Variants in SPAG16 observed in about 807,000 individuals in gnomAD.
SPAG16 encodes the protein sperm-associated antigen 16 protein.
Under a neutral mutation model 80.4 loss-of-function variants are expected in SPAG16, and 86 were observed. That is an observed-to-expected ratio of 1.07 (90% CI 0.90 to 1.28). SPAG16 has a LOEUF of 1.28. Among genes scored for constraint, SPAG16 ranks in the 50% most tolerant of loss-of-function variants. The pLI, the probability that SPAG16 is intolerant of heterozygous loss-of-function variation, is 0.00. For missense variants in SPAG16, 870 were observed against 765.3 expected (o/e 1.14, Z -1.61); for synonymous variants, 294 against 265.9 (o/e 1.11, Z -1.03).
intron 5 of SPAG16, among the ~76,000 whole-genome samples, chr2:213,338,910 G>C (rs1454250088): frequency 6.6e-6 from 1 of 151,912 alleles, no homozygotes; most frequent in Non-Finnish European, 1.5e-5. Context: ...GAAAAATAGC[G>C]AACGTATGCT....
intron 9 of SPAG16, among the ~76,000 whole-genome samples, chr2:213,480,634 C>T (rs528362061): frequency 1.3e-5 from 2 of 152,240 alleles, no homozygotes; most frequent in South Asian, 2.1e-4. Context: ...ATTTCAGCAC[C>T]CAGTATTGAC....
intron 10 of SPAG16, among the ~76,000 whole-genome samples, chr2:213,499,869 C>T (rs1226956023): frequency 2.0e-5 from 3 of 152,244 alleles, no homozygotes; most frequent in Middle Eastern, 3.4e-3. Flanking sequence ...ACAGTCATCC[C>T]CCAATTCTCA....
At chr2:214,191,254 CT>C (rs1330308079) in intron 15 of SPAG16, among the ~76,000 whole-genome samples, 1 of 152,104 alleles carries the variant, frequency 6.6e-6, no homozygotes, top group Non-Finnish European at 1.5e-5. Context: ...TTCAATAATG[CT>C]TATCAGAACT....
At chr2:213,893,272 A>G (rs1377520343) in intron 11 of SPAG16, among the ~76,000 whole-genome samples, 1 of 152,154 alleles carries the variant, frequency 6.6e-6, no homozygotes, top group Non-Finnish European at 1.5e-5. Flanking sequence ...AGAGCTTAAA[A>G]GAGTTGATCA....
intron 10 of SPAG16, among the ~76,000 whole-genome samples, chr2:213,702,336 T>G (rs192151714): frequency 6.6e-6 from 1 of 152,252 alleles, no homozygotes; most frequent in Admixed American, 6.5e-5. Context: ...CTTTTCATGC[T>G]GTGGAAGGTT....
chr2:213,375,272 C>T, intron 9 of SPAG16, 153 bp downstream of exon 9: 3 of 506,530 alleles, frequency 5.9e-6, no homozygotes, highest in Non-Finnish European at 1.1e-5. Context: ...TGGAGGTATC[C>T]AAATGTTACT....
intron 10 of SPAG16, among the ~76,000 whole-genome samples, chr2:213,578,685 G>C (rs1457578949): frequency 6.6e-6 from 1 of 152,032 alleles, no homozygotes; most frequent in African/African-American, 2.4e-5. Context: ...AAATGACTCA[G>C]GGATAGAGTC....
At chr2:214,048,590 G>A (rs2049468524) in intron 13 of SPAG16, among the ~76,000 whole-genome samples, 1 of 151,950 alleles carries the variant, frequency 6.6e-6, no homozygotes, top group Non-Finnish European at 1.5e-5. Context: ...GGGGAAGTAG[G>A]AATGATTAAT....
chr2:213,978,462 C>T (rs991732228), intron 12 of SPAG16, among the ~76,000 whole-genome samples: 10 of 152,110 alleles, frequency 6.6e-5, no homozygotes, highest in African/African-American at 2.4e-4. Flanking sequence ...TTTCCTAAAA[C>T]TCTTCTTAAA....
In SPAG16 at chr2:214,220,254, C is replaced by T. The variant is rs76457769; in HGVS notation, c.1720+70988C>T. Among the ~76,000 whole-genome samples, 557 of 152,120 alleles carry T rather than the reference C, an allele frequency of 3.7e-3. 7 individuals are homozygous for T. The East Asian group carries it at 0.04, about 11-fold the overall frequency. On this transcript the variant is annotated intron_variant, in intron 15 of 15. Transcript: ENST00000331683. ...TCCAGATCTTCTTATATCTAATCTG[C>T]TTATAACTTTTACCTAGAAAATCAG...
chr2:213,286,484 C>T (rs1023335309), intron 1 of SPAG16, among the ~76,000 whole-genome samples: 6 of 152,296 alleles, frequency 3.9e-5, no homozygotes, highest in African/African-American at 1.4e-4. Context: ...TTAAGAGTTG[C>T]CTGTGTAATG....
At chr2:214,084,125 G>C (rs1296031897) in intron 13 of SPAG16, among the ~76,000 whole-genome samples, 1 of 151,712 alleles carries the variant, frequency 6.6e-6, no homozygotes, top group Non-Finnish European at 1.5e-5. Flanking sequence ...TCCTTTACAT[G>C]CCTCCCTTAA....
intron 15 of SPAG16, among the ~76,000 whole-genome samples, chr2:214,345,236 CTT>C (rs60966370): frequency 0.012 from 1,843 of 152,162 alleles, 37 homozygotes; most frequent in African/African-American, 0.042. Context: ...TTTGCAAAGA[CTT>C]TGTTGAAATT....
At chr2:213,573,123 C>G (rs1036670763) in intron 10 of SPAG16, among the ~76,000 whole-genome samples, 1 of 152,120 alleles carries the variant, frequency 6.6e-6, no homozygotes, top group South Asian at 2.1e-4. Flanking sequence ...ACCCACTGGC[C>G]TGCGCCCACT....
intron 15 of SPAG16, among the ~76,000 whole-genome samples, chr2:214,403,368 A>C (rs1701821849): frequency 6.7e-6 from 1 of 148,664 alleles, no homozygotes; most frequent in South Asian, 2.1e-4. Context: ...ATATATTTAT[A>C]CTTATTAATT....
intron 10 of SPAG16, among the ~76,000 whole-genome samples, chr2:213,856,048 G>A (rs996176201): frequency 3.3e-5 from 5 of 152,118 alleles, no homozygotes; most frequent in African/African-American, 1.2e-4. Context: ...TTCTGCCTAT[G>A]AGCCTGTAAA....
intron 7 of SPAG16, among the ~76,000 whole-genome samples, chr2:213,359,568 G>A (rs756890733): frequency 2.2e-4 from 33 of 152,202 alleles, no homozygotes; most frequent in Non-Finnish European, 3.1e-4. Context: ...TGTGGGCGTC[G>A]GACCTGCTGA....
At chr2:213,717,556 T>C (rs999321129) in intron 10 of SPAG16, among the ~76,000 whole-genome samples, 3 of 140,780 alleles carry the variant, frequency 2.1e-5, no homozygotes, top group African/African-American at 8.7e-5. Context: ...ACTTAAACTC[T>C]TTTTTTTTTT....
At chr2:213,777,237 A>AT (rs59548915) in intron 10 of SPAG16, among the ~76,000 whole-genome samples, 8,126 of 82,724 alleles carry the variant, frequency 0.098, 1,803 homozygotes, top group African/African-American at 0.16. Flanking sequence ...GTTTGTAGGA[A>AT]TTTTTTTTTT....
Sources: gnomAD v4.1 joint callset for allele counts (sites outside exome capture counted in the v4.1 genomes callset) on GRCh38, gnomAD v4.1.1 for gene constraint, MANE v1.5 for transcripts, NCBI Gene and HGNC (gene_info 2026-07-23, HGNC 2026-07-21) for gene names.